Variants in NTRK2 observed in about 807,000 individuals in gnomAD.
NTRK2 encodes BDNF/NT-3 growth factors receptor.
NTRK2 carries 13 observed loss-of-function variants against 94.5 expected under a neutral mutation model. The observed-to-expected ratio is 0.14, with a 90% CI of 0.09 to 0.22. NTRK2 has a LOEUF of 0.22. Among genes scored for constraint, NTRK2 ranks in the 10% least tolerant of loss-of-function variants. The pLI is 1.00. For synonymous variants in NTRK2, 372 were observed against 407.4 expected, an observed-to-expected ratio of 0.91 and a Z score of 1.05; for missense variants, 639 against 1,071.2, an observed-to-expected ratio of 0.60 and a Z score of 5.63.
chr9:84,752,208 A>G (rs749808238), intron 12 of NTRK2, 123 bp downstream of exon 12: 4 of 789,428 alleles, frequency 5.1e-6, no homozygotes, highest in East Asian at 2.7e-5. Flanking sequence ...GGCTAAAAAA[A>G]TAGCAACAAG....
chr9:84,671,636 G>T (rs1249224407), intron 2 of NTRK2, among the ~76,000 whole-genome samples: 3 of 152,174 alleles, frequency 2.0e-5, no homozygotes, highest in African/African-American at 7.2e-5. Flanking sequence ...CCAGAGATAT[G>T]ATTTTGAGAC....
At chr9:84,861,733 G>T (rs1470610258) in intron 13 of NTRK2, among the ~76,000 whole-genome samples, 1 of 152,180 alleles carries the variant, frequency 6.6e-6, no homozygotes, top group Non-Finnish European at 1.5e-5. Flanking sequence ...TATGGGTACA[G>T]AGACAATGAA....
chr9:84,797,729 A>C (rs1201996663), intron 12 of NTRK2, among the ~76,000 whole-genome samples: 1 of 80,982 alleles, frequency 1.2e-5, no homozygotes, highest in Non-Finnish European at 2.2e-5. Context: ...TATATTATAT[A>C]TTATATATAC....
rs1041605794 is a variant in NTRK2 at position 84,670,357 on chromosome 9, G to T, written c.-372-20G>T. ...TTGGGGGTCCTACGCTCAGTCTTAC[G>T]CGTGTCTGTTTGTCCTCAGCCTCGA... is the stretch of plus-strand genomic sequence containing the variant. On this transcript the variant is annotated intron_variant, in intron 1 of 18. Coordinates refer to ENST00000277120, the MANE Select transcript of NTRK2 (RefSeq NM_006180.6). 2.7e-6 allele frequency: 1 copy of T among 369,744 alleles called. No homozygotes were observed. The highest frequency in any genetic ancestry group is 5.0e-6 in the Non-Finnish European group (1 of 200,650). 22.9% of individuals were successfully genotyped at this position (369,744 alleles called of 1,614,324 possible).
At chr9:84,874,168 T>C (rs1478564612) in intron 14 of NTRK2, 1 of 1,065,022 alleles carries the variant, frequency 9.4e-7, no homozygotes, top group Non-Finnish European at 1.1e-6. Context: ...CACTCTTGCA[T>C]GTGCTAGTAG....
At chr9:84,906,678 C>G (rs1440529389) in intron 14 of NTRK2, among the ~76,000 whole-genome samples, 1 of 152,148 alleles carries the variant, frequency 6.6e-6, no homozygotes. Flanking sequence ...CCTCTCAGAG[C>G]TCTAGGGTTA....
chr9:84,835,770 C>A (rs974986684), intron 12 of NTRK2, among the ~76,000 whole-genome samples: 2 of 152,200 alleles, frequency 1.3e-5, no homozygotes, highest in Non-Finnish European at 2.9e-5. Context: ...GTGAAAGTAA[C>A]CTGAAAAATA....
At chr9:84,717,812 GC>G (rs2061797068) in intron 6 of NTRK2, among the ~76,000 whole-genome samples, 1 of 152,048 alleles carries the variant, frequency 6.6e-6, no homozygotes, top group Non-Finnish European at 1.5e-5. Context: ...TTGTCAAATT[GC>G]TTGAAATGAA....
intron 17 of NTRK2, among the ~76,000 whole-genome samples, chr9:85,005,893 A>G (rs1830910037): frequency 6.6e-6 from 1 of 152,086 alleles, no homozygotes; most frequent in African/African-American, 2.4e-5. Context: ...TTGGCACAGT[A>G]TTTATCACCA....
chr9:84,854,821 C>G (rs138957273), intron 12 of NTRK2, among the ~76,000 whole-genome samples: 1 of 151,916 alleles, frequency 6.6e-6, no homozygotes, highest in African/African-American at 2.4e-5. Flanking sequence ...ATGGCATGTG[C>G]CTGTAATCCC....
intron 14 of NTRK2, among the ~76,000 whole-genome samples, chr9:84,892,891 T>C (rs1055883127): frequency 4.6e-5 from 7 of 151,736 alleles, no homozygotes; most frequent in African/African-American, 1.5e-4. Flanking sequence ...TACTGCACTC[T>C]AGCCTGGGCA....
chr9:84,950,824 A>G (rs1055376120), intron 16 of NTRK2, among the ~76,000 whole-genome samples: 89 of 152,198 alleles, frequency 5.8e-4, no homozygotes, highest in African/African-American at 2.1e-3. Flanking sequence ...AATCTTTCAC[A>G]ATACTTCATC....
chr9:84,853,107 C>T (rs1011401672), intron 12 of NTRK2, among the ~76,000 whole-genome samples: 5 of 152,172 alleles, frequency 3.3e-5, no homozygotes, highest in African/African-American at 1.2e-4. Flanking sequence ...TGACTGAGTG[C>T]TTTTCCTTAT....
chr9:84,908,324 T>C (rs999722563), intron 14 of NTRK2, among the ~76,000 whole-genome samples: 2 of 152,220 alleles, frequency 1.3e-5, no homozygotes, highest in African/African-American at 4.8e-5. Context: ...GTCTGGTCAT[T>C]AAAATAGGTA....
intron 14 of NTRK2, among the ~76,000 whole-genome samples, chr9:84,921,143 C>T (rs147418246): frequency 2.4e-3 from 363 of 152,118 alleles, no homozygotes; most frequent in Non-Finnish European, 3.5e-3. Context: ...TTAGTCTGAC[C>T]CTCTGCAGTA....
chr9:85,016,464 G>C (rs1195304211), intron 17 of NTRK2, among the ~76,000 whole-genome samples: 1 of 152,186 alleles, frequency 6.6e-6, no homozygotes, highest in Non-Finnish European at 1.5e-5. Flanking sequence ...CAGGAATTCT[G>C]ACTCTCAGTG....
At chr9:84,896,073 T>A (rs1302805603) in intron 14 of NTRK2, among the ~76,000 whole-genome samples, 1 of 152,190 alleles carries the variant, frequency 6.6e-6, no homozygotes, top group Non-Finnish European at 1.5e-5. Context: ...TTTAGATGAG[T>A]TCTCTGTGAA....
intron 14 of NTRK2, among the ~76,000 whole-genome samples, chr9:84,887,840 C>A (rs1165664466): frequency 6.6e-6 from 1 of 152,174 alleles, no homozygotes; most frequent in Non-Finnish European, 1.5e-5. Context: ...AGGGCTGGAT[C>A]CACATTTTTT....
rs1027459059 is a variant in NTRK2, at chr9:84,978,219, G to C, written c.2172+22702G>C. On this transcript the variant is annotated intron_variant, in intron 17 of 18. Coordinates refer to ENST00000277120, the MANE Select transcript of NTRK2 (RefSeq NM_006180.6). ...GAAGGCATGTCGAAAGCCATGGTAG[G>C]TGAAAAGCGAGGCCTCTTGTGACAG... Among the ~76,000 whole-genome samples, 4 of 152,304 alleles carry C rather than the reference G, an allele frequency of 2.6e-5. No individual in the cohort carries two copies. The East Asian group carries it at 7.7e-4, about 29-fold the overall frequency.
Sources: gnomAD v4.1 joint callset for allele counts (sites outside exome capture counted in the v4.1 genomes callset) on GRCh38, gnomAD v4.1.1 for gene constraint, MANE v1.5 for transcripts, NCBI Gene and HGNC (gene_info 2026-07-23, HGNC 2026-07-21) for gene names.